LRRC37A: variants seen among roughly 807,000 people sequenced by gnomAD.
LRRC37A encodes the protein leucine-rich repeat-containing protein 37A.
In LRRC37A, 3 loss-of-function variants were observed where a neutral mutation model predicts 35.4. The observed-to-expected ratio is 0.08, with a 90% CI of 0.04 to 0.22. LRRC37A has a LOEUF of 0.22. LRRC37A is among the 10% of genes least tolerant of loss of function. LRRC37A has a pLI of 1.00. For synonymous variants in LRRC37A, 23 were observed against 215.0 expected (o/e 0.11, Z 7.81); for missense variants, 67 against 565.3 (o/e 0.12, Z 8.94).
chr17:46,270,849 G>A, the LRRC37A span, among the ~76,000 whole-genome samples: 13 of 152,338 alleles, frequency 8.5e-5, no homozygotes, highest in African/African-American at 2.9e-4. Flanking sequence ...GCAGTGAGCC[G>A]AGATCATGCC....
chr17:46,257,332 C>A, the LRRC37A span, among the ~76,000 whole-genome samples: 2 of 151,766 alleles, frequency 1.3e-5, no homozygotes, highest in African/African-American at 4.8e-5. Context: ...ATTGTAATCC[C>A]AGTTACTCGG....
chr17:46,276,793 T>TC, the LRRC37A span, among the ~76,000 whole-genome samples: 1 of 150,366 alleles, frequency 6.7e-6, no homozygotes, highest in East Asian at 1.9e-4. Flanking sequence ...TTTTTTTCTT[T>TC]TTTTTTTTTT....
upstream of LRRC37A, among the ~76,000 whole-genome samples, chr17:46,291,834 G>A (rs550131078): frequency 4.7e-4 from 72 of 152,092 alleles, no homozygotes; most frequent in Non-Finnish European, 8.4e-4. Context: ...CATGGCACGC[G>A]CCTGTAGTCC....
the LRRC37A span, among the ~76,000 whole-genome samples, chr17:46,266,550 G>C: frequency 6.6e-6 from 1 of 152,194 alleles, no homozygotes; most frequent in Non-Finnish European, 1.5e-5. Context: ...ACGCGGGTGT[G>C]GAGAAGGGGT....
chr17:46,254,570 C>T, the LRRC37A span, among the ~76,000 whole-genome samples: 3 of 150,034 alleles, frequency 2.0e-5, no homozygotes, highest in South Asian at 2.1e-4. Flanking sequence ...GAGACGCAGT[C>T]TCATTTTGTT....
chr17:46,291,968 G>T (rs28485774), upstream of LRRC37A, among the ~76,000 whole-genome samples: 2 of 9,292 alleles, frequency 2.2e-4, no homozygotes, highest in East Asian at 2.6e-3. Flanking sequence ...TTCTCAAAAA[G>T]CAAAAAAAAA....
chr17:46,267,471 TC>T, the LRRC37A span: 1 of 1,611,228 alleles, frequency 6.2e-7, no homozygotes, highest in African/African-American at 1.3e-5. Context: ...CACATGTTAG[TC>T]CTGGACTCCT....
chr17:46,287,058 A>G, the LRRC37A span, among the ~76,000 whole-genome samples: 7 of 152,312 alleles, frequency 4.6e-5, 1 homozygote, highest in South Asian at 1.2e-3. Context: ...TCATTTTTTT[A>G]CAGGATAACT....
At chr17:46,269,882 C>G in the LRRC37A span, among the ~76,000 whole-genome samples, 1 of 152,214 alleles carries the variant, frequency 6.6e-6, no homozygotes, top group Non-Finnish European at 1.5e-5. Context: ...GAGAAAAAGC[C>G]TTTCTCAAAT....
At chr17:46,289,734 A>G, upstream of LRRC37A, among the ~76,000 whole-genome samples, 1 of 152,234 alleles carries the variant, frequency 6.6e-6, no homozygotes. Flanking sequence ...CCTAAATCTT[A>G]TAGTCTCTCA....
chr17:46,271,182 T>TTC, the LRRC37A span, among the ~76,000 whole-genome samples: 5 of 149,680 alleles, frequency 3.3e-5, no homozygotes, highest in Non-Finnish European at 3.0e-5. Flanking sequence ...TTTTTTTTTT[T>TTC]GAGAAGGAGT....
At chr17:46,249,162 C>T in the LRRC37A span, among the ~76,000 whole-genome samples, 16 of 151,936 alleles carry the variant, frequency 1.1e-4, no homozygotes, top group African/African-American at 1.5e-4. Context: ...CTGCAGACAC[C>T]GAGGGACAAC....
At chr17:46,260,370 A>G in the LRRC37A span, 1 of 1,493,090 alleles carries the variant, frequency 6.7e-7, no homozygotes, top group Admixed American at 2.1e-5. Context: ...GAACTCGTAG[A>G]GGCGGCCCAC....
chr17:46,265,252 CTTCTTCTTCTTCT>C, the LRRC37A span, among the ~76,000 whole-genome samples: 5 of 3,660 alleles, frequency 1.4e-3, no homozygotes, highest in Non-Finnish European at 3.6e-3. Flanking sequence ...TTCCTTTCTT[CTTCTTCTTCTTCT>C]TCTTCTTCTT....
the LRRC37A span, among the ~76,000 whole-genome samples, chr17:46,281,462 T>A: frequency 6.6e-6 from 1 of 152,028 alleles, no homozygotes; most frequent in African/African-American, 2.4e-5. Context: ...TAATCACAGC[T>A]CACTGCAGCC....
upstream of LRRC37A, among the ~76,000 whole-genome samples, chr17:46,291,954 C>T (rs2469918): frequency 0.19 from 20,873 of 110,146 alleles, 1,942 homozygotes; most frequent in Middle Eastern, 0.31. Flanking sequence ...GAATAAGGCC[C>T]TGCTTCTCAA....
the LRRC37A span, among the ~76,000 whole-genome samples, chr17:46,281,354 C>T: frequency 6.6e-6 from 1 of 151,684 alleles, no homozygotes; most frequent in South Asian, 2.1e-4. Flanking sequence ...ATTTAAAGTC[C>T]CGTGACTCGC....
At chr17:46,263,686 C>A in the LRRC37A span, among the ~76,000 whole-genome samples, 1 of 151,706 alleles carries the variant, frequency 6.6e-6, no homozygotes, top group Admixed American at 6.6e-5. Context: ...GAAACCCCGT[C>A]TCTGCCAAAA....
At chr17:46,270,776 G>A in the LRRC37A span, among the ~76,000 whole-genome samples, 146 of 152,260 alleles carry the variant, frequency 9.6e-4, no homozygotes, top group African/African-American at 3.4e-3. Flanking sequence ...GCATGGTGGT[G>A]CATGCCTGTA....
Sources: allele counts gnomAD v4.1 joint callset (sites outside exome capture counted in the v4.1 genomes callset), GRCh38; gene constraint gnomAD v4.1.1; transcripts MANE v1.5; gene names NCBI Gene and HGNC (gene_info 2026-07-23, HGNC 2026-07-21).